The following MDGA2 variants were observed in gnomAD, a reference collection of about 807,000 sequenced individuals.
The protein encoded by MDGA2 is MAM domain-containing glycosylphosphatidylinositol anchor protein 2.
A neutral mutation model predicts 117.8 loss-of-function variants in MDGA2; 40 were observed. That is an observed-to-expected ratio of 0.34 (90% CI 0.26 to 0.44). The LOEUF (loss-of-function observed/expected upper bound fraction) is 0.44. MDGA2 is among the 20% of genes least tolerant of loss of function. MDGA2 has a pLI of 1.00. For synonymous variants in MDGA2, 452 were observed against 439.0 expected (o/e 1.03, Z -0.37); for missense variants, 1,123 against 1,250.6 (o/e 0.90, Z 1.54).
At chr14:46,852,124 T>C (rs928935139) in intron 15 of MDGA2, among the ~76,000 whole-genome samples, 4 of 151,824 alleles carry the variant, frequency 2.6e-5, no homozygotes, top group African/African-American at 9.7e-5. Flanking sequence ...TCTATCTTTA[T>C]TTTCCACTGG....
intron 1 of MDGA2, among the ~76,000 whole-genome samples, chr14:47,545,353 C>T (rs1238269985): frequency 6.6e-6 from 1 of 152,120 alleles, no homozygotes; most frequent in Non-Finnish European, 1.5e-5. Context: ...AGGAAATCTC[C>T]ATTTTGTGGT....
chr14:47,522,826 T>C (rs1265693628), intron 1 of MDGA2, among the ~76,000 whole-genome samples: 8 of 152,376 alleles, frequency 5.3e-5, no homozygotes, highest in African/African-American at 1.2e-4. Context: ...CCCAAAAAGA[T>C]TGACACTTTC....
chr14:47,416,649 T>C (rs531982012), intron 1 of MDGA2, among the ~76,000 whole-genome samples: 3 of 152,284 alleles, frequency 2.0e-5, no homozygotes, highest in African/African-American at 7.2e-5. Context: ...CAAGTGACTC[T>C]ATTCTTTGAA....
intron 1 of MDGA2, among the ~76,000 whole-genome samples, chr14:47,426,711 T>C (rs182570918): frequency 1.6e-4 from 24 of 148,402 alleles, no homozygotes; most frequent in Non-Finnish European, 2.2e-4. Flanking sequence ...TATATATATA[T>C]ACATATATGT....
At chr14:46,839,875 A>G (rs897982369), downstream of MDGA2, among the ~76,000 whole-genome samples, 14 of 151,958 alleles carry the variant, frequency 9.2e-5, no homozygotes, top group East Asian at 3.9e-4. Context: ...CCAGGTTCAT[A>G]TATGTTTCAT....
chr14:47,176,580 G>A (rs1454864762), intron 3 of MDGA2, among the ~76,000 whole-genome samples: 5 of 152,164 alleles, frequency 3.3e-5, no homozygotes, highest in Non-Finnish European at 7.3e-5. Flanking sequence ...AATGGTGTTG[G>A]GAAAACTGAC....
At position 47,174,435 on chromosome 14, in the gene MDGA2, T is replaced by A. The variant is rs550250434; in HGVS notation, c.596-30161A>T. On this transcript the variant is annotated intron_variant, in intron 3 of 16. Transcript: ENST00000399232. Reference sequence around the variant, plus strand: ...CCAGCAAATCTAAAAGAACAGAAATTATAACAAACTGTCTCTCAGACCACA... The same window carrying A: ...CCAGCAAATCTAAAAGAACAGAAATAATAACAAACTGTCTCTCAGACCACA... 5.9e-5 allele frequency among the ~76,000 whole-genome samples: 9 copies of A among 152,056 alleles called. No homozygotes were observed. In the South Asian group the frequency reaches 1.9e-3, roughly 32 times the overall value.
At chr14:47,407,162 T>C (rs891635892) in intron 1 of MDGA2, among the ~76,000 whole-genome samples, 1 of 152,120 alleles carries the variant, frequency 6.6e-6, no homozygotes. Context: ...CCATTGTGCA[T>C]TATAGGCTAA....
rs1194174250 is a variant in MDGA2, at chr14:47,293,672, TA to T, written c.420+7738del. Among the ~76,000 whole-genome samples, 6 of 152,242 alleles carry T rather than the reference TA, an allele frequency of 3.9e-5. 1 individual carries two copies. Among genetic ancestry groups the T allele is most frequent in the Non-Finnish European group, 8.8e-5 (6 of 68,048 alleles). ...CTTGGCACTCTGTTAAATGATCTAA[TA>T]TTTTTTGAGATAGTATCTGGAATGA... On this transcript the variant is annotated intron_variant, in intron 2 of 16. Transcript: ENST00000399232.
intron 3 of MDGA2, chr14:47,200,968 T>C (rs2139442186): frequency 7.2e-6 from 6 of 832,520 alleles, no homozygotes; most frequent in Non-Finnish European, 1.3e-5. Context: ...TCTGTAGAAA[T>C]TGCCAGAAAT....
intron 5 of MDGA2, among the ~76,000 whole-genome samples, chr14:47,100,242 A>C (rs117670818): frequency 1.3e-5 from 2 of 152,114 alleles, no homozygotes; most frequent in Non-Finnish European, 2.9e-5. Flanking sequence ...GGCAAAAGGT[A>C]CTATATCTAT....
At position 47,437,540 on chromosome 14, in the gene MDGA2, T is replaced by C. The variant is rs193149435; in HGVS notation, c.281-135990A>G. ...CTTTAGTGGCTATAGTATTTCCTCA[T>C]GTCTTGTACTCAAATCCACCCACAG... On this transcript the variant is annotated intron_variant, in intron 1 of 16. Coordinates refer to ENST00000399232, the MANE Select transcript of MDGA2 (RefSeq NM_001113498.3). Among the ~76,000 whole-genome samples the C allele has an allele frequency of 3.1e-4, 47 of 152,272 alleles. No homozygotes were observed. In the East Asian group the frequency reaches 7.2e-3, roughly 23 times the overall value.
At chr14:47,489,881 T>G in intron 1 of MDGA2, among the ~76,000 whole-genome samples, 1 of 152,066 alleles carries the variant, frequency 6.6e-6, no homozygotes, top group Non-Finnish European at 1.5e-5. Context: ...AGCATTCCTT[T>G]GCATACTAGT....
chr14:47,144,333 T>C (rs1283635367), intron 3 of MDGA2, 59 bp from the exon 4 acceptor site: 8 of 1,375,922 alleles, frequency 5.8e-6, no homozygotes, highest in African/African-American at 1.4e-5. Context: ...TTTTAAAGTA[T>C]TGTGCTTATA....
intron 9 of MDGA2, among the ~76,000 whole-genome samples, chr14:46,929,601 GTATATATATATATA>G (rs756528353): frequency 0.061 from 768 of 12,668 alleles, 44 homozygotes; most frequent in African/African-American, 0.14. Flanking sequence ...GTGTGTGTGT[GTATATATATATATA>G]TATATATATA....
At chr14:47,226,638 G>C (rs988448243) in intron 2 of MDGA2, among the ~76,000 whole-genome samples, 1 of 152,086 alleles carries the variant, frequency 6.6e-6, no homozygotes, top group Non-Finnish European at 1.5e-5. Flanking sequence ...GTACATCTTG[G>C]TGCAAATGCT....
chr14:46,843,111 C>T (rs1015358180), intron 16 of MDGA2, among the ~76,000 whole-genome samples: 3 of 151,734 alleles, frequency 2.0e-5, no homozygotes, highest in Non-Finnish European at 2.9e-5. Context: ...TTTAAAACTG[C>T]CACACATTTC....
intron 3 of MDGA2, among the ~76,000 whole-genome samples, chr14:47,167,498 G>GA (rs1566660748): frequency 2.0e-5 from 3 of 151,940 alleles, no homozygotes; most frequent in African/African-American, 4.8e-5. Flanking sequence ...TTTCCAGGAA[G>GA]AAAAAAATCA....
At chr14:47,153,411 G>A (rs1310361211) in intron 3 of MDGA2, among the ~76,000 whole-genome samples, 1 of 152,168 alleles carries the variant, frequency 6.6e-6, no homozygotes, top group African/African-American at 2.4e-5. Context: ...GGTAGACAGT[G>A]CACTAACTGA....
Sources: gnomAD v4.1 joint callset for allele counts (sites outside exome capture counted in the v4.1 genomes callset) on GRCh38, gnomAD v4.1.1 for gene constraint, MANE v1.5 for transcripts, NCBI Gene and HGNC (gene_info 2026-07-23, HGNC 2026-07-21) for gene names.